Variants in SYNE1 observed in about 807,000 individuals in gnomAD.
SYNE1 encodes the protein spectrin repeat containing nuclear envelope protein 1, also known as nesprin-1.
In SYNE1, 616 loss-of-function variants were observed where a neutral mutation model predicts 1,111.0. The observed-to-expected ratio is 0.55, with a 90% CI of 0.52 to 0.59. The LOEUF is 0.59. SYNE1 is among the 20% of genes least tolerant of loss of function. The probability of loss-of-function intolerance (pLI) is 0.00; values close to 1 mark genes in which losing one functional copy is unlikely to be tolerated. For synonymous variants in SYNE1, 3,855 were observed against 3,825.8 expected, an observed-to-expected ratio of 1.01 and a Z score of -0.28; for missense variants, 10,006 against 10,417.0, an observed-to-expected ratio of 0.96 and a Z score of 1.72.
At chr6:152,309,182 G>A (rs1166843857) in intron 90 of SYNE1, among the ~76,000 whole-genome samples, 3 of 152,112 alleles carry the variant, frequency 2.0e-5, no homozygotes, top group East Asian at 3.9e-4. Flanking sequence ...CACATATGAA[G>A]TATGAATGAC....
chr6:152,226,854 G>T (rs2081693114), intron 115 of SYNE1, among the ~76,000 whole-genome samples: 1 of 152,160 alleles, frequency 6.6e-6, no homozygotes, highest in African/African-American at 2.4e-5. Context: ...TAAATCCCAT[G>T]TTGGGGTGAT....
Position 152,483,362 on chromosome 6 carries a change from C to T in SYNE1, c.1186-113G>A, listed in dbSNP as rs998563276. The T allele has an allele frequency of 4.4e-6, 4 of 919,364 alleles. No homozygotes were observed. The Admixed American group carries it at 6.9e-5, about 16-fold the overall frequency. The allele number at this position is 919,364 out of a possible 1,614,324, so 57.0% of individuals were successfully genotyped here. A position where few individuals can be genotyped will look rare whatever the true frequency, so the allele number is the denominator to read the frequency against. On this transcript the variant is annotated intron_variant, in intron 13 of 145. Transcript: ENST00000367255. ...AAAGCTTTAAGTTAATGATTTCAGGCTAAGTTAATAAATATCAAATAAGCA... is the reference window on the plus strand; with the variant it reads ...AAAGCTTTAAGTTAATGATTTCAGGTTAAGTTAATAAATATCAAATAAGCA...
chr6:152,360,882 C>T (rs9371250), intron 64 of SYNE1, among the ~76,000 whole-genome samples: 9,582 of 152,136 alleles, frequency 0.063, 360 homozygotes, highest in East Asian at 0.17. Flanking sequence ...TTTTATTCAG[C>T]GTGTGTTCTG....
chr6:152,183,493 C>T (rs905883804), intron 128 of SYNE1, among the ~76,000 whole-genome samples: 4 of 152,062 alleles, frequency 2.6e-5, no homozygotes, highest in Admixed American at 1.3e-4. Context: ...CTCAGCTACT[C>T]GGGAGGCTGA....
intron 140 of SYNE1, among the ~76,000 whole-genome samples, chr6:152,138,547 AT>A: frequency 6.6e-6 from 1 of 151,034 alleles, no homozygotes. Flanking sequence ...AAATAAATAA[AT>A]AAATAAATAA....
intron 4 of SYNE1, among the ~76,000 whole-genome samples, chr6:152,530,882 C>G (rs1254362371): frequency 6.6e-6 from 1 of 152,048 alleles, no homozygotes; most frequent in Non-Finnish European, 1.5e-5. Context: ...CTCAGCCTCC[C>G]AAAGTGCTGG....
rs1358340215 is a variant in SYNE1 at position 152,412,703 on chromosome 6, A to T, written c.6230+649T>A. Among the ~76,000 whole-genome samples, 6 of 152,328 alleles carry T rather than the reference A, an allele frequency of 3.9e-5. No homozygotes were observed. The South Asian group carries it at 8.3e-4, about 21-fold the overall frequency. ...AACTGATAGCATTGCGTATGAAAAA[A>T]AGTAAATTTTAGTGTGTTTAAATTA... On this transcript the variant is annotated intron_variant, in intron 42 of 145. Transcript: ENST00000367255.
rs766160172 is a variant in SYNE1, at chr6:152,442,247, TA to T, written c.3838-3del. 5.0e-6 allele frequency: 8 copies of T among 1,612,310 alleles called. No homozygotes were observed. Among genetic ancestry groups the T allele is most frequent in the Admixed American group, 1.7e-5 (1 of 59,982 alleles). ...TGCTGAGATCCGCTTTGTCTTTTGC[TA>T]GAAGCATTTATTCAACAGATGGATA... On this transcript the variant is annotated splice_polypyrimidine_tract_variant and splice_region_variant and intron_variant, in intron 30 of 145. Coordinates refer to ENST00000367255, the MANE Select transcript of SYNE1 (RefSeq NM_182961.4).
intron 14 of SYNE1, among the ~76,000 whole-genome samples, chr6:152,473,502 A>C (rs2098818426): frequency 6.6e-6 from 1 of 152,190 alleles, no homozygotes; most frequent in South Asian, 2.1e-4. Flanking sequence ...CCTTAGGGCC[A>C]AACTATTTCT....
At chr6:152,580,279 T>A (rs968959187) in intron 3 of SYNE1, among the ~76,000 whole-genome samples, 2 of 152,226 alleles carry the variant, frequency 1.3e-5, no homozygotes, top group African/African-American at 4.8e-5. Context: ...ATGTCGAACA[T>A]TTTTTCATAT....
intron 55 of SYNE1, 141 bp from the exon 56 acceptor site, chr6:152,381,503 G>A: frequency 2.4e-6 from 2 of 842,808 alleles, no homozygotes; most frequent in South Asian, 2.7e-5. Context: ...CAATTCATCT[G>A]TCCACTCTTA....
chr6:152,356,518 A>G (rs992757457), intron 66 of SYNE1, among the ~76,000 whole-genome samples: 2 of 147,932 alleles, frequency 1.4e-5, no homozygotes, highest in Non-Finnish European at 3.0e-5. Context: ...ATATATTAAT[A>G]TATATTAATA....
At chr6:152,141,100 G>T (rs564723943) in intron 139 of SYNE1, 103 bp downstream of exon 139, 2 of 1,474,976 alleles carry the variant, frequency 1.4e-6, no homozygotes, top group South Asian at 1.1e-5. Context: ...AGGATAGAAC[G>T]GTGTAGAAGA....
intron 97 of SYNE1, among the ~76,000 whole-genome samples, chr6:152,280,698 G>A (rs1302516308): frequency 6.6e-6 from 1 of 152,214 alleles, no homozygotes; most frequent in African/African-American, 2.4e-5. Flanking sequence ...TGAAATGTTA[G>A]TTTGGGTGGT....
chr6:152,441,503 A>T (rs1332387375), intron 31 of SYNE1, among the ~76,000 whole-genome samples: 1 of 152,172 alleles, frequency 6.6e-6, no homozygotes, highest in Non-Finnish European at 1.5e-5. Flanking sequence ...TGAGTTTTTT[A>T]TAATTTGTAA....
At chr6:152,429,973 A>G (rs1055359934) in intron 36 of SYNE1, 139 bp downstream of exon 36, 5 of 657,284 alleles carry the variant, frequency 7.6e-6, no homozygotes, top group Non-Finnish European at 1.4e-5. Flanking sequence ...TGAATACATT[A>G]GATCTATATA....
intron 4 of SYNE1, among the ~76,000 whole-genome samples, chr6:152,535,209 A>G (rs996076421): frequency 6.6e-6 from 1 of 152,222 alleles, no homozygotes; most frequent in Non-Finnish European, 1.5e-5. Context: ...AGAGACTTAG[A>G]AGGAGCCTGG....
intron 133 of SYNE1, 23 bp from the exon 134 acceptor site, chr6:152,152,164 CAG>C: frequency 6.2e-7 from 1 of 1,611,886 alleles, no homozygotes; most frequent in Non-Finnish European, 8.5e-7. Context: ...AGAAGCATAT[CAG>C]TGTGAGAAAT....
intron 104 of SYNE1, among the ~76,000 whole-genome samples, chr6:152,249,881 T>C (rs1002887201): frequency 6.6e-6 from 1 of 152,190 alleles, no homozygotes; most frequent in Non-Finnish European, 1.5e-5. Flanking sequence ...AATATATTTA[T>C]ATTGAGTTAG....
Sources: allele counts gnomAD v4.1 joint callset (sites outside exome capture counted in the v4.1 genomes callset), GRCh38; gene constraint gnomAD v4.1.1; transcripts MANE v1.5; gene names NCBI Gene and HGNC (gene_info 2026-07-23, HGNC 2026-07-21).